RIMS2: variants seen among roughly 807,000 people sequenced by gnomAD.
The protein encoded by RIMS2 is regulating synaptic membrane exocytosis 2.
In RIMS2, 59 loss-of-function variants were observed where a neutral mutation model predicts 174.4. The observed-to-expected ratio is 0.34, with a 90% confidence interval of 0.27 to 0.42. The LOEUF (loss-of-function observed/expected upper bound fraction) is 0.42. RIMS2 is among the 10% of genes least tolerant of loss of function. The pLI is 1.00. For synonymous variants in RIMS2, 606 were observed against 572.5 expected (o/e 1.06, Z -0.84); for missense variants, 1,620 against 1,666.3 (o/e 0.97, Z 0.48).
At chr8:103,601,735 T>A (rs563920398) in intron 1 of RIMS2, among the ~76,000 whole-genome samples, 3 of 152,098 alleles carry the variant, frequency 2.0e-5, no homozygotes, top group African/African-American at 7.2e-5. Flanking sequence ...GTCTTCTCTT[T>A]CCTGTCTTTT....
At chr8:103,613,499 C>T (rs1480952374) in intron 1 of RIMS2, among the ~76,000 whole-genome samples, 1 of 152,214 alleles carries the variant, frequency 6.6e-6, no homozygotes, top group Non-Finnish European at 1.5e-5. Context: ...TCTCCAAGAG[C>T]CTAAGCCTGG....
intron 13 of RIMS2, among the ~76,000 whole-genome samples, chr8:103,936,966 T>C (rs113546477): frequency 0.13 from 19,250 of 151,778 alleles, 1,688 homozygotes; most frequent in Non-Finnish European, 0.19. Flanking sequence ...GGCATGGTGG[T>C]GGGCGCCTGT....
At position 104,214,852 on chromosome 8, in the gene RIMS2, A is replaced by G. The variant is rs75544760; in HGVS notation, c.3335-30064A>G. Among the ~76,000 whole-genome samples, 583 of 152,358 alleles carry G rather than the reference A, an allele frequency of 3.8e-3. 26 individuals are homozygous for G. In the East Asian group the frequency reaches 0.11, roughly 28 times the overall value. On this transcript the variant is annotated intron_variant, in intron 19 of 23. Transcript: ENST00000504942. ...ACAGCCTTAACTGTTTACCAAATATACTAAGCTACAAATAGAACTACGTTC... is the reference window on the plus strand; with the variant it reads ...ACAGCCTTAACTGTTTACCAAATATGCTAAGCTACAAATAGAACTACGTTC...
intron 19 of RIMS2, among the ~76,000 whole-genome samples, chr8:104,090,216 C>T (rs1427096790): frequency 6.6e-6 from 1 of 151,708 alleles, no homozygotes; most frequent in African/African-American, 2.4e-5. Flanking sequence ...CATAAAACTA[C>T]AGTATAGGGA....
chr8:103,882,874 C>G (rs1194565220), intron 3 of RIMS2, among the ~76,000 whole-genome samples: 3 of 151,576 alleles, frequency 2.0e-5, no homozygotes, highest in Admixed American at 6.6e-5. Context: ...ACTTTATACT[C>G]TACTTACTTT....
At chr8:103,749,028 A>G (rs1429763039) in intron 2 of RIMS2, among the ~76,000 whole-genome samples, 1 of 151,410 alleles carries the variant, frequency 6.6e-6, no homozygotes, top group Non-Finnish European at 1.5e-5. Context: ...CAAACTCCCA[A>G]CCTCAGGTGA....
chr8:103,863,994 C>T (rs1234632078), intron 3 of RIMS2, among the ~76,000 whole-genome samples: 3 of 151,614 alleles, frequency 2.0e-5, no homozygotes, highest in Non-Finnish European at 2.9e-5. Flanking sequence ...CTGCAACCTC[C>T]GCCTCCTGGG....
chr8:104,193,026 GAA>G (rs1269017488), intron 19 of RIMS2, among the ~76,000 whole-genome samples: 1 of 151,912 alleles, frequency 6.6e-6, no homozygotes, highest in Admixed American at 6.6e-5. Context: ...TACACTGAGA[GAA>G]AGAGTCTGCT....
Position 104,169,149 on chromosome 8 carries a change from T to A in RIMS2, c.3335-75767T>A, listed in dbSNP as rs2098815743. Among the ~76,000 whole-genome samples the A allele has an allele frequency of 2.0e-5, 3 of 151,694 alleles. No individual in the cohort carries two copies. In the South Asian group the frequency reaches 6.2e-4, roughly 32 times the overall value. On this transcript the variant is annotated intron_variant, in intron 19 of 23. Coordinates refer to ENST00000504942, the Ensembl canonical transcript of RIMS2. Reference sequence around the variant, plus strand: ...GTTAAGTCCTTTCCTGGTTTTGGTGTTAGGGTGATACTAGCTTCATAGAAT... The same window carrying A: ...GTTAAGTCCTTTCCTGGTTTTGGTGATAGGGTGATACTAGCTTCATAGAAT...
chr8:103,652,280 CT>C, intron 1 of RIMS2, 43 bp downstream of exon 2: 1 of 1,200,392 alleles, frequency 8.3e-7, no homozygotes, highest in Non-Finnish European at 1.1e-6. Flanking sequence ...GACTTCTGTA[CT>C]TTTGCCACAT....
At chr8:104,251,853 GC>G in exon 24 of RIMS2, 1 of 1,034,052 alleles carries the variant, frequency 9.7e-7, no homozygotes. Flanking sequence ...ACAGCAACCA[GC>G]GTTACAAAAA....
At chr8:103,775,745 A>T (rs1174555704) in intron 3 of RIMS2, among the ~76,000 whole-genome samples, 4 of 152,198 alleles carry the variant, frequency 2.6e-5, no homozygotes, top group Non-Finnish European at 5.9e-5. Context: ...CAAGAATATG[A>T]TATGAGCTCT....
intron 1 of RIMS2, among the ~76,000 whole-genome samples, chr8:103,684,535 A>G (rs931486207): frequency 2.1e-5 from 3 of 140,110 alleles, no homozygotes; most frequent in Admixed American, 7.0e-5. Context: ...TCTGGTTCAT[A>G]CTTTTTTTAT....
At chr8:104,125,397 G>A (rs2098420366) in intron 19 of RIMS2, among the ~76,000 whole-genome samples, 1 of 152,018 alleles carries the variant, frequency 6.6e-6, no homozygotes, top group Non-Finnish European at 1.5e-5. Context: ...CTTTAATCTG[G>A]ATAATCATAG....
chr8:103,587,468 G>GAAAGAAAGAAAGAAAGAAA lies in RIMS2; in HGVS notation c.176+86409_176+86410insGAAAGAAAGAAAGAAAAAA, dbSNP rs35539559. Among the ~76,000 whole-genome samples the GAAAGAAAGAAAGAAAGAAA allele has an allele frequency of 3.0e-3, 288 of 96,412 alleles. 3 individuals carry two copies. Among genetic ancestry groups the GAAAGAAAGAAAGAAAGAAA allele is most frequent in the Non-Finnish European group, 4.1e-3 (192 of 46,494 alleles). The allele number at this position is 96,412 out of a possible 152,430, so 63.3% of individuals were successfully genotyped here. A position where few individuals can be genotyped will look rare whatever the true frequency, so the allele number is the denominator to read the frequency against. ...AGAAAGAAAGAAAGAAAGAAAGAAA[G>GAAAGAAAGAAAGAAAGAAA]AAACTATGCACCAATATTTCTGATG... On this transcript the variant is annotated intron_variant, in intron 1 of 23. Coordinates refer to ENST00000504942, the Ensembl canonical transcript of RIMS2.
chr8:104,127,819 C>T (rs995497488), intron 19 of RIMS2, among the ~76,000 whole-genome samples: 15 of 152,120 alleles, frequency 9.9e-5, no homozygotes, highest in African/African-American at 3.6e-4. Flanking sequence ...CTTACAAAAT[C>T]ATGTACTACT....
intron 1 of RIMS2, chr8:103,569,115 C>G (rs1038824555): frequency 1.6e-4 from 46 of 294,090 alleles, no homozygotes; most frequent in Non-Finnish European, 2.2e-4. Context: ...ATTACCTAAC[C>G]CAAGGTCATG....
At chr8:104,143,764 C>A (rs2098605296) in intron 19 of RIMS2, among the ~76,000 whole-genome samples, 1 of 152,190 alleles carries the variant, frequency 6.6e-6, no homozygotes, top group African/African-American at 2.4e-5. Context: ...GTCCCTGTGC[C>A]ACAGTCCTAA....
chr8:103,621,024 A>G (rs1434098828), intron 1 of RIMS2, among the ~76,000 whole-genome samples: 2 of 152,354 alleles, frequency 1.3e-5, no homozygotes, highest in East Asian at 3.9e-4. Context: ...AATAAAAATA[A>G]TAAAACAGTA....
Sources: gnomAD v4.1 joint callset for allele counts (sites outside exome capture counted in the v4.1 genomes callset) on GRCh38, gnomAD v4.1.1 for gene constraint, MANE v1.5 for transcripts, NCBI Gene and HGNC (gene_info 2026-07-23, HGNC 2026-07-21) for gene names.